The following LZTS1 variants were observed in gnomAD, a reference collection of about 807,000 sequenced individuals.
LZTS1 encodes the protein leucine zipper putative tumor suppressor 1.
A neutral mutation model predicts 45.8 loss-of-function variants in LZTS1; 31 were observed. The ratio of observed to expected loss-of-function variants is 0.68; its 90% CI spans 0.51 to 0.91. LZTS1 has a LOEUF of 0.91. Ranked by LOEUF, LZTS1 falls within the 40% of genes least tolerant of loss-of-function variation. The pLI is 0.00. For synonymous variants in LZTS1, 359 were observed against 357.3 expected (o/e 1.00, Z -0.05); for missense variants, 821 against 788.9 (o/e 1.04, Z -0.49).
rs1457722780 is a variant in LZTS1, at chr8:20,269,796, C to G, written c.-134-14481G>C. On this transcript the variant is annotated intron_variant, in intron 1 of 3. Transcript: ENST00000381569. ...TGTGGGATGCCTTTGTACCTCCCCT[C>G]TCTCCAAAATTCTGATCTTCCTTCA... Among the ~76,000 whole-genome samples, 3 of 152,320 alleles carry G rather than the reference C, an allele frequency of 2.0e-5. 1 individual carries two copies. The highest frequency in any genetic ancestry group is 1.3e-4 in the Admixed American group (2 of 15,294).
chr8:20,301,296 C>T (rs1386057733), intron 1 of LZTS1, among the ~76,000 whole-genome samples: 2 of 152,078 alleles, frequency 1.3e-5, no homozygotes, highest in African/African-American at 4.8e-5. Flanking sequence ...CCCTGCCCCT[C>T]GGTTTTGTAG....
At position 20,249,861 on chromosome 8, in the gene LZTS1, A is replaced by G. The variant is rs751724869; in HGVS notation, c.1652T>C (p.Val551Ala). ...QYQKQLQQSY[V>A]AMYQRNQRLE... ...GCGCTGGTTCCGCTGGTACATGGCC[A>G]CGTAGCTCTGCTGCAGCTGTTTCTG... The change falls in exon 4 of 4, where the codon GTG becomes GCG. Residue 551 changes from valine to alanine, a missense_variant. Coordinates refer to ENST00000381569, the MANE Select transcript of LZTS1 (RefSeq NM_021020.5). The G allele has an allele frequency of 1.1e-5, 18 of 1,614,000 alleles. No homozygotes were observed. Among genetic ancestry groups the G allele is most frequent in the Non-Finnish European group, 1.4e-5 (16 of 1,179,996 alleles).
chr8:20,276,086 T>TA (rs1210040095), intron 1 of LZTS1, among the ~76,000 whole-genome samples: 1 of 152,128 alleles, frequency 6.6e-6, no homozygotes, highest in Admixed American at 6.5e-5. Context: ...AGAAAATGTT[T>TA]AAGAGGCCTA....
chr8:20,254,974 C>T lies in LZTS1; in HGVS notation c.208G>A (p.Val70Ile), dbSNP rs1208354631. The T allele has an allele frequency of 6.2e-7, 1 of 1,614,164 alleles. No individual in the cohort carries two copies. The change falls in exon 2 of 4, where the codon GTC (valine) becomes ATC (isoleucine). Residue 70 changes from valine to isoleucine, a missense_variant. Coordinates refer to ENST00000381569, the MANE Select transcript of LZTS1 (RefSeq NM_021020.5). ...GKSEDFFYIK[V>I]SQKARGSHHP... ...TGGGAGCCCCGGGCTTTCTGGCTGA[C>T]CTTGATGTAGAAGAAGTCTTCGCTC...
chr8:20,258,547 C>A (rs1020644837), intron 1 of LZTS1, among the ~76,000 whole-genome samples: 1 of 152,080 alleles, frequency 6.6e-6, no homozygotes, highest in African/African-American at 2.4e-5. Flanking sequence ...AACAAAACTT[C>A]GTTGTGTAAG....
intron 1 of LZTS1, among the ~76,000 whole-genome samples, chr8:20,267,832 A>G (rs1467196745): frequency 1.3e-5 from 2 of 152,082 alleles, no homozygotes; most frequent in African/African-American, 4.8e-5. Context: ...CACACTTGGC[A>G]CACACTTTAC....
In LZTS1 at chr8:20,291,281, A is replaced by G. The variant is rs141563531; in HGVS notation, c.-135+12459T>C. ...TAAGAGGGTAAGGAGGTAGCTCCGC[A>G]GGCAGCACAACCTGACCCTAAAGTT... On this transcript the variant is annotated intron_variant, in intron 1 of 3. Transcript: ENST00000381569. Among the ~76,000 whole-genome samples, 455 of 152,274 alleles carry G rather than the reference A, an allele frequency of 3.0e-3. 2 individuals carry two copies. The highest frequency in any genetic ancestry group is 0.01 in the African/African-American group (425 of 41,554).
chr8:20,262,192 C>T (rs1800247901), intron 1 of LZTS1, among the ~76,000 whole-genome samples: 1 of 152,256 alleles, frequency 6.6e-6, no homozygotes, highest in Non-Finnish European at 1.5e-5. Flanking sequence ...CAAGTGTGTC[C>T]TGAATAACTG....
intron 1 of LZTS1, among the ~76,000 whole-genome samples, chr8:20,279,372 A>T (rs1409079542): frequency 3.3e-5 from 5 of 152,202 alleles, no homozygotes. Flanking sequence ...GGCTCAAAGA[A>T]GTTGGAAGAT....
At chr8:20,252,298 A>G (rs903999) in intron 3 of LZTS1, among the ~76,000 whole-genome samples, 61,056 of 152,078 alleles carry the variant, frequency 0.4, 12,795 homozygotes, top group South Asian at 0.49. Context: ...ACACTTCAGC[A>G]AGGAGTGGCC....
chr8:20,260,166 C>T (rs1240438493), intron 1 of LZTS1, among the ~76,000 whole-genome samples: 16 of 152,174 alleles, frequency 1.1e-4, no homozygotes, highest in Admixed American at 1.0e-3. Context: ...CCTCCCAAAG[C>T]ACTGGGATTA....
intron 1 of LZTS1, among the ~76,000 whole-genome samples, chr8:20,287,923 G>T (rs948902115): frequency 2.3e-5 from 3 of 131,698 alleles, no homozygotes; most frequent in South Asian, 2.4e-4. Context: ...AAAAAAAAAG[G>T]TTCCTGGCTT....
In LZTS1 at chr8:20,251,148, TAA is replaced by T. The variant is rs71532229; in HGVS notation, c.1150-787_1150-786del. On this transcript the variant is annotated intron_variant, in intron 3 of 3. Coordinates refer to ENST00000381569, the MANE Select transcript of LZTS1 (RefSeq NM_021020.5). Reference sequence around the variant, plus strand: ...ATATATATATATATATATATATATATAAAATATAAAGTATAAGAGTAGAGATT... The same window carrying T: ...ATATATATATATATATATATATATATAATATAAAGTATAAGAGTAGAGATT... Among the ~76,000 whole-genome samples, 846 of 101,328 alleles carry T rather than the reference TAA, an allele frequency of 8.3e-3. 121 individuals carry two copies. The highest frequency in any genetic ancestry group is 0.021 in the South Asian group (62 of 3,014). 66.5% of individuals were successfully genotyped at this position (101,328 alleles called of 152,430 possible). A position where few individuals can be genotyped will look rare whatever the true frequency, so the allele number is the denominator to read the frequency against.
intron 3 of LZTS1, 100 bp from the exon 4 acceptor site, chr8:20,250,463 C>T (rs543737757): frequency 1.3e-5 from 15 of 1,175,814 alleles, no homozygotes; most frequent in South Asian, 7.7e-5. Flanking sequence ...ACTCCGGATG[C>T]GGTGGCCCGG....
rs1007230042 is a variant in LZTS1, at chr8:20,249,602, G to T, written c.*120C>A. ...TCCTGCCCTCCCCTCGGGGGTCCTGGGTCTGTGTCCCAGGGAGTGGCGTCT... is the reference window on the plus strand; with the variant it reads ...TCCTGCCCTCCCCTCGGGGGTCCTGTGTCTGTGTCCCAGGGAGTGGCGTCT... On this transcript the variant is annotated 3_prime_UTR_variant, in exon 4 of 4. Coordinates refer to ENST00000381569, the MANE Select transcript of LZTS1 (RefSeq NM_021020.5). The T allele has an allele frequency of 9.3e-6, 12 of 1,285,510 alleles. No individual in the cohort carries two copies. Among genetic ancestry groups the T allele is most frequent in the African/African-American group, 1.5e-5 (1 of 67,000 alleles). The allele number at this position is 1,285,510 out of a possible 1,614,324, so 79.6% of individuals were successfully genotyped here.
rs372617990 is a variant in LZTS1, at chr8:20,292,677, G to A, written c.-135+11063C>T. On this transcript the variant is annotated intron_variant, in intron 1 of 3. Coordinates refer to ENST00000381569, the MANE Select transcript of LZTS1 (RefSeq NM_021020.5). ...AGGAAAATCCACCAGGACTGAAAGC[G>A]TCTCTCTACTGCTGTGTTCTTGTAT... 1.5e-4 allele frequency among the ~76,000 whole-genome samples: 23 copies of A among 152,284 alleles called. 1 individual carries two copies. The highest frequency in any genetic ancestry group is 5.1e-4 in the African/African-American group (21 of 41,544).
intron 1 of LZTS1, among the ~76,000 whole-genome samples, chr8:20,262,182 CA>C (rs1378378408): frequency 1.3e-5 from 2 of 152,358 alleles, no homozygotes; most frequent in East Asian, 3.9e-4. Context: ...CCCACCCAGC[CA>C]AGTGTGTCCT....
At position 20,249,960 on chromosome 8, in the gene LZTS1, T is replaced by C; in HGVS notation, c.1553A>G (p.His518Arg). The part of the protein sequence containing the change: ...RAELREERQG[H>R]DQMSSGFQHE... ...CTGGAAGCCCGAGGACATCTGGTCA[T>C]GGCCTTGCCGCTCCTCCCGCAGCTC... Residue 518 changes from histidine to arginine, a missense_variant, in exon 4 of 4, where the codon CAT becomes CGT. Transcript: ENST00000381569. 1 of 1,614,096 alleles carries C rather than the reference T, an allele frequency of 6.2e-7. No individual in the cohort carries two copies. The highest frequency in any genetic ancestry group is 8.5e-7 in the Non-Finnish European group (1 of 1,179,978).
chr8:20,268,308 C>T (rs1025492084), intron 1 of LZTS1, among the ~76,000 whole-genome samples: 26 of 151,432 alleles, frequency 1.7e-4, no homozygotes, highest in Non-Finnish European at 3.1e-4. Context: ...GACTGGTGGG[C>T]GGGCCTCCAG....
Sources: allele counts gnomAD v4.1 joint callset (sites outside exome capture counted in the v4.1 genomes callset), GRCh38; gene constraint gnomAD v4.1.1; transcripts MANE v1.5; gene names NCBI Gene and HGNC (gene_info 2026-07-23, HGNC 2026-07-21).